ZNF536: variants seen among roughly 807,000 people sequenced by gnomAD.
ZNF536 encodes the protein zinc finger protein 536.
ZNF536 carries 13 observed loss-of-function variants against 84.5 expected under a neutral mutation model. The ratio of observed to expected loss-of-function variants is 0.15; its 90% CI spans 0.10 to 0.24. The LOEUF (loss-of-function observed/expected upper bound fraction) is 0.24, where lower values mean the gene tolerates loss of function less well. Among genes scored for constraint, ZNF536 ranks in the 10% least tolerant of loss-of-function variants. ZNF536 has a pLI of 1.00. For synonymous variants in ZNF536, 811 were observed against 742.5 expected (o/e 1.09, Z -1.50); for missense variants, 1,536 against 1,747.5 (o/e 0.88, Z 2.16).
At chr19:30,372,636 C>T (rs1600435500) in intron 1 of ZNF536, 80 bp downstream of exon 1, 2 of 152,122 alleles carry the variant, frequency 1.3e-5, no homozygotes, top group South Asian at 2.1e-4. Flanking sequence ...ATAGAACACC[C>T]ACACATGCAC....
Position 30,571,949 on chromosome 19 carries a change from C to T in ZNF536, c.169+22435C>T, listed in dbSNP as rs1051969353. Among the ~76,000 whole-genome samples, 7 of 152,146 alleles carry T rather than the reference C, an allele frequency of 4.6e-5. No homozygotes were observed. In the East Asian group the frequency reaches 1.3e-3, roughly 29 times the overall value. ...GAGACAAGGGGTGGTCTTGTTTTCA[C>T]GCATCCAAATTGATCCCTCTGAGTG... On this transcript the variant is annotated intron_variant, in intron 1 of 1. Transcript: ENST00000592773.
At chr19:30,665,623 C>A (rs1244454996) in intron 1 of ZNF536, 1 of 152,358 alleles carries the variant, frequency 6.6e-6, no homozygotes, top group East Asian at 1.9e-4. Flanking sequence ...GTGACTGGCC[C>A]AGGAGGGTCT....
chr19:30,625,888 C>T (rs537507839), intron 1 of ZNF536, among the ~76,000 whole-genome samples: 8 of 152,096 alleles, frequency 5.3e-5, no homozygotes, highest in Non-Finnish European at 8.8e-5. Flanking sequence ...TCCCATGTCT[C>T]AGGACATCCT....
In ZNF536 at chr19:30,443,718, C is replaced by T. The variant is rs2148150138; in HGVS notation, c.156C>T (p.Pro52=). 1.2e-6 allele frequency: 2 copies of T among 1,613,522 alleles called. No individual in the cohort carries two copies. The highest frequency in any genetic ancestry group is 1.7e-6 in the Non-Finnish European group (2 of 1,179,836). ...GCCATGCCTTCCCCGAGCTCCATCC[C>T]CGGCCCAACCCCGAGGAGAAGCCCC... ...QLSHAFPELH[P]RPNPEEKPPA... The change falls in exon 2 of 5, where the codon CCC becomes CCT. Residue 52 remains proline (P), a synonymous_variant. Transcript: ENST00000355537.
chr19:30,595,462 T>C (rs899177384), intron 1 of ZNF536, among the ~76,000 whole-genome samples: 1 of 152,032 alleles, frequency 6.6e-6, no homozygotes, highest in East Asian at 1.9e-4. Flanking sequence ...TATTTTTTAA[T>C]TTTTTTGTAG....
chr19:30,625,844 A>G (rs2048655900), intron 1 of ZNF536, among the ~76,000 whole-genome samples: 1 of 152,198 alleles, frequency 6.6e-6, no homozygotes, highest in Non-Finnish European at 1.5e-5. Context: ...GGCTGAATGC[A>G]TGGGGGCTGA....
intron 3 of ZNF536, among the ~76,000 whole-genome samples, chr19:30,360,163 G>A (rs2048229298): frequency 6.6e-6 from 1 of 152,220 alleles, no homozygotes; most frequent in Admixed American, 6.5e-5. Flanking sequence ...TCTACCGAAA[G>A]TACCACGCAG....
chr19:30,552,654 A>C (rs2146303791), intron 4 of ZNF536, among the ~76,000 whole-genome samples: 1 of 152,172 alleles, frequency 6.6e-6, no homozygotes, highest in East Asian at 1.9e-4. Context: ...TCTGGTCCTA[A>C]ATTCCTTGGT....
intron 2 of ZNF536, among the ~76,000 whole-genome samples, chr19:30,499,215 A>G (rs2054848371): frequency 6.6e-6 from 1 of 152,116 alleles, no homozygotes; most frequent in African/African-American, 2.4e-5. Context: ...GTTTCTATAT[A>G]CAGTATCTGC....
intron 3 of ZNF536, among the ~76,000 whole-genome samples, chr19:30,537,766 A>T (rs1156842606): frequency 6.6e-6 from 1 of 152,210 alleles, no homozygotes; most frequent in Non-Finnish European, 1.5e-5. Context: ...CTTCGGAGAC[A>T]TTGAGAGAGA....
intron 3 of ZNF536, among the ~76,000 whole-genome samples, chr19:30,358,094 C>G (rs986905446): frequency 6.6e-6 from 1 of 152,166 alleles, no homozygotes; most frequent in Non-Finnish European, 1.5e-5. Flanking sequence ...GTTTAGGCCT[C>G]TTTCCCTTGG....
At chr19:30,475,046 G>T (rs1247931866) in intron 2 of ZNF536, among the ~76,000 whole-genome samples, 1 of 151,700 alleles carries the variant, frequency 6.6e-6, no homozygotes, top group Admixed American at 6.6e-5. Context: ...CAACCATGTG[G>T]CTTCAAGATA....
chr19:30,612,347 T>C (rs574664979), intron 1 of ZNF536, among the ~76,000 whole-genome samples: 3 of 152,180 alleles, frequency 2.0e-5, no homozygotes, highest in Admixed American at 6.5e-5. Context: ...CAAGCACTCT[T>C]GGGACTCCAT....
At chr19:30,233,313 G>A (rs902942408) in intron 1 of ZNF536, among the ~76,000 whole-genome samples, 7 of 151,996 alleles carry the variant, frequency 4.6e-5, no homozygotes, top group African/African-American at 1.5e-4. Context: ...TTGAGGCTGG[G>A]CACTTTGCTG....
intron 1 of ZNF536, among the ~76,000 whole-genome samples, chr19:30,378,128 G>C (rs556638864): frequency 6.6e-6 from 1 of 152,090 alleles, no homozygotes; most frequent in Admixed American, 6.5e-5. Flanking sequence ...CTTCTTAGTC[G>C]CCCCAGCCTG....
intron 1 of ZNF536, among the ~76,000 whole-genome samples, chr19:30,581,602 G>A (rs2046923000): frequency 6.6e-6 from 1 of 152,128 alleles, no homozygotes; most frequent in East Asian, 1.9e-4. Flanking sequence ...GTCCTTTCTT[G>A]GGAGGACTTT....
At chr19:30,254,680 C>A (rs573676729) in intron 1 of ZNF536, among the ~76,000 whole-genome samples, 2 of 151,548 alleles carry the variant, frequency 1.3e-5, no homozygotes, top group African/African-American at 2.4e-5. Flanking sequence ...AACTAGGAGT[C>A]GGTAGTCCAA....
chr19:30,502,767 AG>A (rs1252193231), intron 2 of ZNF536, among the ~76,000 whole-genome samples: 1 of 152,188 alleles, frequency 6.6e-6, no homozygotes, highest in Non-Finnish European at 1.5e-5. Context: ...GCAAGGGAGT[AG>A]GGGACACCAG....
chr19:30,555,387 C>A (rs1016328070), intron 4 of ZNF536: 1 of 152,214 alleles, frequency 6.6e-6, no homozygotes, highest in East Asian at 1.9e-4. Context: ...AGGCATCAAC[C>A]TTACCTCCAT....
Sources: gnomAD v4.1 joint callset for allele counts (sites outside exome capture counted in the v4.1 genomes callset) on GRCh38, gnomAD v4.1.1 for gene constraint, MANE v1.5 for transcripts, NCBI Gene and HGNC (gene_info 2026-07-23, HGNC 2026-07-21) for gene names.